ZNF426: variants seen among roughly 807,000 people sequenced by gnomAD.
ZNF426 encodes the protein zinc finger protein 426.
A neutral mutation model predicts 24.0 loss-of-function variants in ZNF426; 23 were observed. That is an observed-to-expected ratio of 0.96 (90% confidence interval 0.69 to 1.36). The LOEUF is 1.36. ZNF426 is among the 40% of genes most tolerant of loss of function. The probability of loss-of-function intolerance (pLI) is 0.00; values close to 1 mark genes in which losing one functional copy is unlikely to be tolerated. For missense variants in ZNF426, 646 were observed against 658.4 expected, an observed-to-expected ratio of 0.98 and a Z score of 0.21; for synonymous variants, 272 against 224.6, an observed-to-expected ratio of 1.21 and a Z score of -1.89.
At chr19:9,535,306 C>A (rs775329007) in intron 3 of ZNF426, 27 bp from the exon 4 acceptor site, 1 of 1,559,428 alleles carries the variant, frequency 6.4e-7, no homozygotes, top group East Asian at 2.3e-5. Context: ...GCAAGAGAAC[C>A]CCGAGCTGAC....
chr19:9,524,094 C>A lies in ZNF426; in HGVS notation c.*4286G>T. On this transcript the variant is annotated 3_prime_UTR_variant, in exon 8 of 8. Coordinates refer to ENST00000253115, the MANE Select transcript of ZNF426 (RefSeq NM_024106.3). Reference sequence around the variant, plus strand: ...TAAGTGGCAGGCAAGGGCTTTCCCACATTCCTTACATCAATATGGCTTCTC... The same window carrying A: ...TAAGTGGCAGGCAAGGGCTTTCCCAAATTCCTTACATCAATATGGCTTCTC... 1 of 154,166 alleles carries A rather than the reference C, an allele frequency of 6.5e-6. No homozygotes were observed. The highest frequency in any genetic ancestry group is 1.5e-5 in the Non-Finnish European group (1 of 68,696). The allele number at this position is 154,166 out of a possible 1,614,324, so 9.5% of individuals were successfully genotyped here.
chr19:9,535,270 A>G lies in ZNF426; in HGVS notation c.35T>C (p.Leu12Pro), dbSNP rs757879447. 1.9e-5 allele frequency: 31 copies of G among 1,612,954 alleles called. No homozygotes were observed. Among genetic ancestry groups the G allele is most frequent in the South Asian group, 1.5e-4 (14 of 91,054 alleles). Residue 12 changes from leucine to proline, a missense_variant, in exon 4 of 8, where the codon CTT (leucine) becomes CCT (proline). Physicochemically the swap from Leu to Pro is moderately conservative, Grantham distance 98. Coordinates refer to ENST00000253115, the MANE Select transcript of ZNF426 (RefSeq NM_024106.3). ...ATGAAGGCAAACTGGGTCCCCAGAA[A>G]GATAATGTCCTGTAAGAAAATGAAG... ...AAADLSHGHY[L>P]SGDPVCLHEE...
Position 9,531,038 on chromosome 19 carries a change from A to G in ZNF426, c.355T>C (p.Ser119Pro). Reference sequence around the variant, plus strand: ...CTCAAAAAGTCCTGCTGAAGTATAGACCACTGGGTTTCAAGTCGCATTTCC... The same window carrying G: ...CTCAAAAAGTCCTGCTGAAGTATAGGCCACTGGGTTTCAAGTCGCATTTCC... The part of the protein sequence containing the change: ...GWEMRLETQW[S>P]ILQQDFLRGQ... Residue 119 changes from serine (S) to proline (P), a missense_variant, in exon 7 of 8, where the codon TCT becomes CCT. Coordinates refer to ENST00000253115, the MANE Select transcript of ZNF426 (RefSeq NM_024106.3). 6.2e-7 allele frequency: 1 copy of G among 1,614,088 alleles called. No individual in the cohort carries two copies. Among genetic ancestry groups the G allele is most frequent in the Non-Finnish European group, 8.5e-7 (1 of 1,179,954 alleles).
chr19:9,528,621 G>T lies in ZNF426; in HGVS notation c.1424C>A (p.Pro475His). ...IHMRIHTGEK[P>H]YECKQCGKAF... Reference sequence around the variant, plus strand: ...CTTTCCACATTGTTTACACTCATAGGGTTTTTCTCCAGTGTGGATTCGCAT... The same window carrying T: ...CTTTCCACATTGTTTACACTCATAGTGTTTTTCTCCAGTGTGGATTCGCAT... The change falls in exon 8 of 8, where the codon CCC becomes CAC. Residue 475 changes from proline (P) to histidine (H), a missense_variant. Pro to His is a moderately conservative substitution (Grantham distance 77, BLOSUM62 -2). Transcript: ENST00000253115. 6.2e-7 allele frequency: 1 copy of T among 1,614,090 alleles called. No individual in the cohort carries two copies.
At position 9,528,839 on chromosome 19, in the gene ZNF426, T is replaced by C; in HGVS notation, c.1206A>G (p.Ala402=). Residue 402 remains alanine (A), a synonymous_variant, in exon 8 of 8, where the codon GCA becomes GCG. Coordinates refer to ENST00000253115, the MANE Select transcript of ZNF426 (RefSeq NM_024106.3). The stretch of plus-strand genomic sequence containing the variant: ...AATGTCCACTAAGATTTGAGGAAAC[T>C]GCAAAGGCTTTCCCACATTCAACAC... ...FVCVECGKAF[A]VSSNLSGHLR... The C allele has an allele frequency of 6.2e-7, 1 of 1,613,940 alleles. No individual in the cohort carries two copies. The highest frequency in any genetic ancestry group is 8.5e-7 in the Non-Finnish European group (1 of 1,179,964).
At chr19:9,530,932 T>C in intron 7 of ZNF426, 53 bp downstream of exon 7, 2 of 1,450,306 alleles carry the variant, frequency 1.4e-6, no homozygotes, top group African/African-American at 1.4e-5. Context: ...CATAACAGAA[T>C]TCCTGATTTT....
intron 4 of ZNF426, 29 bp downstream of exon 4, chr19:9,535,159 C>T: frequency 6.4e-7 from 1 of 1,557,836 alleles, no homozygotes; most frequent in Non-Finnish European, 8.8e-7. Context: ...AAGTATGTCA[C>T]TATGTATAAG....
At chr19:9,537,843 G>A (rs370467444) in intron 2 of ZNF426, among the ~76,000 whole-genome samples, 3 of 151,942 alleles carry the variant, frequency 2.0e-5, no homozygotes, top group African/African-American at 7.2e-5. Flanking sequence ...TAGTAGAGAC[G>A]GGGTTTCACC....
chr19:9,534,832 C>A (rs533901894), intron 4 of ZNF426, among the ~76,000 whole-genome samples: 2 of 152,088 alleles, frequency 1.3e-5, no homozygotes, highest in East Asian at 3.9e-4. Flanking sequence ...TGTACTCAAG[C>A]AATCTGCCTG....
intron 2 of ZNF426, among the ~76,000 whole-genome samples, chr19:9,537,320 G>A (rs1484726349): frequency 1.3e-5 from 2 of 151,862 alleles, no homozygotes; most frequent in South Asian, 2.1e-4. Context: ...AAACCCTAAA[G>A]TCACAAAAAC....
At chr19:9,529,674 A>C in intron 7 of ZNF426, 38 bp from the exon 8 acceptor site, 2 of 1,542,322 alleles carry the variant, frequency 1.3e-6, no homozygotes, top group Non-Finnish European at 1.7e-6. Flanking sequence ...GATTTTTCTC[A>C]AACATATTAA....
In ZNF426 at chr19:9,529,583, G is replaced by C; in HGVS notation, c.462C>G (p.Val154=). ...TCTTAAGGCATGAGTGTTCACTGAA[G>C]ACTTCTCCACATTGCTCACAGTCAC... ...ELCDCEQCGE[V]FSEHSCLKTH... The change falls in exon 8 of 8, where the codon GTC becomes GTG. Residue 154 remains valine, a synonymous_variant. Transcript: ENST00000253115. The C allele has an allele frequency of 1.2e-6, 2 of 1,607,482 alleles. No individual in the cohort carries two copies. Among genetic ancestry groups the C allele is most frequent in the Non-Finnish European group, 1.7e-6 (2 of 1,179,882 alleles).
At chr19:9,537,234 G>A (rs1329643842) in intron 2 of ZNF426, among the ~76,000 whole-genome samples, 3 of 152,002 alleles carry the variant, frequency 2.0e-5, no homozygotes, top group Admixed American at 2.0e-4. Context: ...ATGATAAACA[G>A]TGAAAGTTCC....
Position 9,528,605 on chromosome 19 carries a change from T to C in ZNF426, c.1440A>G (p.Gln480=). Residue 480 remains glutamine, a synonymous_variant, in exon 8 of 8, where the codon CAA becomes CAG. Transcript: ENST00000253115. ...TGGAATGACTGAAGGCCTTTCCACA[T>C]TGTTTACACTCATAGGGTTTTTCTC... ...HTGEKPYECK[Q]CGKAFSHSSS... is the part of the protein sequence containing the mutation. The C allele has an allele frequency of 2.5e-6, 4 of 1,614,088 alleles. No homozygotes were observed. The highest frequency in any genetic ancestry group is 3.4e-6 in the Non-Finnish European group (4 of 1,180,004).
At chr19:9,538,508 G>A (rs2074002550) in intron 1 of ZNF426, 67 bp downstream of exon 1, 1 of 152,438 alleles carries the variant, frequency 6.6e-6, no homozygotes, top group South Asian at 2.1e-4. Flanking sequence ...GAGCGGGCCA[G>A]GCCTCTCTAA....
intron 6 of ZNF426, among the ~76,000 whole-genome samples, chr19:9,532,197 A>G (rs1443020482): frequency 6.6e-6 from 1 of 152,034 alleles, no homozygotes; most frequent in Admixed American, 6.6e-5. Flanking sequence ...GCAGGATGAC[A>G]TAAGGGTTCA....
rs2073790429 is a variant in ZNF426 at position 9,526,195 on chromosome 19, C to G, written c.*2185G>C. The stretch of plus-strand genomic sequence containing the variant: ...ATCATGATTACTAGAGGCCTGCTTA[C>G]AGCATTTCCTCTTATCCAGTATGCC... On this transcript the variant is annotated 3_prime_UTR_variant, in exon 8 of 8. Coordinates refer to ENST00000253115, the MANE Select transcript of ZNF426 (RefSeq NM_024106.3). 1 of 151,116 alleles carries G rather than the reference C, an allele frequency of 6.6e-6. No individual in the cohort carries two copies. Among genetic ancestry groups the G allele is most frequent in the Non-Finnish European group, 1.5e-5 (1 of 67,932 alleles). The allele number at this position is 151,116 out of a possible 1,614,324, so 9.4% of individuals were successfully genotyped here.
intron 5 of ZNF426, 50 bp from the exon 6 acceptor site, chr19:9,532,975 A>C (rs2073909822): frequency 6.8e-7 from 1 of 1,475,608 alleles, no homozygotes; most frequent in African/African-American, 1.4e-5. Context: ...AAAAGATTAC[A>C]AACCTTTCTG....
At chr19:9,532,985 G>T in intron 5 of ZNF426, 60 bp from the exon 6 acceptor site, 1 of 1,392,814 alleles carries the variant, frequency 7.2e-7, no homozygotes, top group Non-Finnish European at 1.0e-6. Flanking sequence ...AAACCTTTCT[G>T]TGATTCAGGA....
Sources: gnomAD v4.1 joint callset for allele counts (sites outside exome capture counted in the v4.1 genomes callset) on GRCh38, gnomAD v4.1.1 for gene constraint, MANE v1.5 for transcripts, NCBI Gene and HGNC (gene_info 2026-07-23, HGNC 2026-07-21) for gene names.